Variants in ZSWIM5 observed in about 807,000 individuals in gnomAD.
ZSWIM5 encodes the protein zinc finger SWIM domain-containing protein 5.
In ZSWIM5, 55 loss-of-function variants were observed where a neutral mutation model predicts 119.6. The observed-to-expected ratio is 0.46, with a 90% CI of 0.37 to 0.58. The LOEUF (loss-of-function observed/expected upper bound fraction) is 0.58, where lower values mean the gene tolerates loss of function less well. Among genes scored for constraint, ZSWIM5 ranks in the 20% least tolerant of loss-of-function variants. The pLI is 0.00. For missense variants in ZSWIM5, 1,193 were observed against 1,512.8 expected (o/e 0.79, Z 3.51); for synonymous variants, 537 against 606.9 (o/e 0.88, Z 1.69).
intron 1 of ZSWIM5, among the ~76,000 whole-genome samples, chr1:45,120,490 A>G (rs1645584637): frequency 6.6e-6 from 1 of 151,706 alleles, no homozygotes; most frequent in South Asian, 2.1e-4. Flanking sequence ...CTTTCAAGGT[A>G]TTGCTCTGTT....
At chr1:45,147,080 T>TC (rs1645766193) in intron 1 of ZSWIM5, among the ~76,000 whole-genome samples, 1 of 145,816 alleles carries the variant, frequency 6.9e-6, no homozygotes, top group East Asian at 2.0e-4. Flanking sequence ...ATTATCAACT[T>TC]TTTTTTTTTT....
At chr1:45,063,797 CCTGGCTAACACAGTCT>C (rs1645166821) in intron 2 of ZSWIM5, among the ~76,000 whole-genome samples, 1 of 151,938 alleles carries the variant, frequency 6.6e-6, no homozygotes, top group Non-Finnish European at 1.5e-5. Context: ...TCGAGACCAT[CCTGGCTAACACAGTCT>C]CTACTAAAAA....
Position 45,206,134 on chromosome 1 carries a change from C to A in ZSWIM5, c.217G>T (p.Val73Leu). The A allele has an allele frequency of 6.2e-7, 1 of 1,611,180 alleles. No individual in the cohort carries two copies. The highest frequency in any genetic ancestry group is 1.3e-5 in the African/African-American group (1 of 74,990). ...DSLLDCAAKT[V>L]AEKWAYERVE... ...CGTTCGTATGCCCACTTTTCCGCCA[C>A]CGTCTTGGCGGCGCAGTCCAGTAAG... Residue 73 changes from valine to leucine, a missense_variant, in exon 1 of 14, where the codon GTG (valine) becomes TTG (leucine). Physicochemically the swap from Val to Leu is conservative, Grantham distance 32 (BLOSUM62 1). Coordinates refer to ENST00000359600, the MANE Select transcript of ZSWIM5 (RefSeq NM_020883.2).
intron 1 of ZSWIM5, among the ~76,000 whole-genome samples, chr1:45,187,027 T>C (rs748070073): frequency 8.5e-5 from 13 of 152,194 alleles, no homozygotes; most frequent in Non-Finnish European, 1.8e-4. Flanking sequence ...ATGCCAAAAC[T>C]TCCAAACTGA....
intron 1 of ZSWIM5, among the ~76,000 whole-genome samples, chr1:45,167,831 C>A (rs1237257295): frequency 5.3e-5 from 8 of 152,128 alleles, no homozygotes; most frequent in Non-Finnish European, 1.2e-4. Context: ...ACAACAGGTG[C>A]TGGAGAGGAT....
intron 1 of ZSWIM5, among the ~76,000 whole-genome samples, chr1:45,196,547 C>T (rs563070149): frequency 3.0e-4 from 46 of 151,740 alleles, no homozygotes; most frequent in Admixed American, 2.3e-3. Flanking sequence ...CCTGCCACCA[C>T]GCCCGGCTAA....
rs767700654 is a variant in ZSWIM5 at position 45,018,732 on chromosome 1, G to A, written c.3280C>T (p.Arg1094Cys). The change falls in exon 14 of 14, where the codon CGC becomes TGC. Residue 1094 changes from arginine to cysteine, a missense_variant. Around this residue, in one of 2 missense-constraint regions of ZSWIM5, gnomAD observed 961 missense variants for 1,290.0 expected, o/e 0.74. Coordinates refer to ENST00000359600, the MANE Select transcript of ZSWIM5 (RefSeq NM_020883.2). This position sits in a 1 kb window ranked among gnomAD's most constrained non-coding sequence, Gnocchi z 6.7. ...TAPGLAGIPG[R>C]RSSGKLMSTD... ...GACATGAGCTTTCCAGAGCTTCGGC[G>A]GCCTGGGATGCCGGCCAGGCCAGGT... The A allele has an allele frequency of 1.5e-5, 25 of 1,614,106 alleles. No individual in the cohort carries two copies. Among genetic ancestry groups the A allele is most frequent in the South Asian group, 3.3e-5 (3 of 91,090 alleles).
In ZSWIM5 at chr1:45,130,120, A is replaced by G. The variant is rs371481119; in HGVS notation, c.596-41883T>C. On this transcript the variant is annotated intron_variant, in intron 1 of 13. Coordinates refer to ENST00000359600, the MANE Select transcript of ZSWIM5 (RefSeq NM_020883.2). ...GCCATGTTGGCCAGGCTGGTCTCGA[A>G]CTCCTGACCTCAAGTGATCCACATG... Among the ~76,000 whole-genome samples the G allele has an allele frequency of 5.3e-5, 8 of 152,068 alleles. No individual in the cohort carries two copies. The East Asian group carries it at 1.2e-3, about 22-fold the overall frequency.
intron 1 of ZSWIM5, among the ~76,000 whole-genome samples, chr1:45,125,765 C>CAAA (rs77954473): frequency 0.02 from 2,287 of 111,826 alleles, 74 homozygotes; most frequent in African/African-American, 0.072. Context: ...CTCCGTTTCA[C>CAAA]AAAAAAAAAA....
At chr1:45,064,252 C>T (rs533652861) in intron 2 of ZSWIM5, among the ~76,000 whole-genome samples, 6 of 152,194 alleles carry the variant, frequency 3.9e-5, no homozygotes, top group East Asian at 3.9e-4. Context: ...TTTATTATTA[C>T]GTTCCTTAAA....
At chr1:45,169,983 A>G (rs544108024) in intron 1 of ZSWIM5, among the ~76,000 whole-genome samples, 2 of 152,258 alleles carry the variant, frequency 1.3e-5, no homozygotes, top group South Asian at 4.1e-4. Context: ...AAACTCAGCA[A>G]CATTTCTGTG....
At chr1:45,086,414 T>C (rs546330906) in intron 2 of ZSWIM5, among the ~76,000 whole-genome samples, 1 of 152,306 alleles carries the variant, frequency 6.6e-6, no homozygotes, top group Non-Finnish European at 1.5e-5. Flanking sequence ...TTCAAAAAAT[T>C]CTTATGTCAA....
intron 5 of ZSWIM5, 59 bp downstream of exon 5, chr1:45,051,015 T>C (rs1048102611): frequency 9.1e-6 from 14 of 1,541,850 alleles, no homozygotes; most frequent in Admixed American, 1.9e-5. Flanking sequence ...GTTCTAGGGT[T>C]TACCCTCCCA....
At chr1:45,038,816 G>C in intron 8 of ZSWIM5, 120 bp downstream of exon 8, 1 of 1,250,924 alleles carries the variant, frequency 8.0e-7, no homozygotes, top group African/African-American at 1.5e-5. Context: ...GGCTGGTCTT[G>C]AACTCTTGAA....
intron 11 of ZSWIM5, among the ~76,000 whole-genome samples, chr1:45,022,380 T>G (rs1249786952): frequency 1.3e-5 from 2 of 152,102 alleles, no homozygotes; most frequent in Non-Finnish European, 2.9e-5. Context: ...TCCACCCGCC[T>G]TGGTCTCCCA....
chr1:45,206,181 C>G lies in ZSWIM5; in HGVS notation c.170G>C (p.Arg57Pro). The change falls in exon 1 of 14, where the codon CGC becomes CCC. Residue 57 changes from arginine (R) to proline (P), a missense_variant. Coordinates refer to ENST00000359600, the MANE Select transcript of ZSWIM5 (RefSeq NM_020883.2). ...TAAGGAATCCGGCTGCAGGTGGGGG[C>G]GGGCCCCGAGGACCAGGCAGCTGCT... ...VGSSCLVLGA[R>P]PHLQPDSLLD... 1.9e-6 allele frequency: 3 copies of G among 1,604,480 alleles called. No individual in the cohort carries two copies. Among genetic ancestry groups the G allele is most frequent in the South Asian group, 2.2e-5 (2 of 89,940 alleles).
chr1:45,140,236 T>C (rs1480661245), intron 1 of ZSWIM5, among the ~76,000 whole-genome samples: 3 of 152,210 alleles, frequency 2.0e-5, no homozygotes, highest in Non-Finnish European at 4.4e-5. Context: ...TTTCTGTGAA[T>C]AAAGTTTTAT....
Position 45,069,873 on chromosome 1 carries a change from C to T in ZSWIM5, c.953-9626G>A, listed in dbSNP as rs1645211269. On this transcript the variant is annotated intron_variant, in intron 2 of 13. Coordinates refer to ENST00000359600, the MANE Select transcript of ZSWIM5 (RefSeq NM_020883.2). ...TCAGTACATATTTCTTTTACTGTTG[C>T]TCTTCATTCTTTTCCACATTTCATA... 6 of 424,838 alleles carry T rather than the reference C, an allele frequency of 1.4e-5. No individual in the cohort carries two copies. The South Asian group carries it at 2.0e-4, about 14-fold the overall frequency. The allele number at this position is 424,838 out of a possible 1,614,324, so 26.3% of individuals were successfully genotyped here.
intron 12 of ZSWIM5, 151 bp from the exon 13 acceptor site, chr1:45,020,298 A>C: frequency 1.4e-6 from 1 of 702,362 alleles, no homozygotes; most frequent in East Asian, 2.7e-5. Context: ...TTTCTTTCCC[A>C]GCCCTCCCAC....
Sources: allele counts gnomAD v4.1 joint callset (sites outside exome capture counted in the v4.1 genomes callset), GRCh38; gene constraint gnomAD v4.1.1; regional missense constraint gnomAD v4.1.1; non-coding constraint Gnocchi (gnomAD v3.1); transcripts MANE v1.5; gene names NCBI Gene and HGNC (gene_info 2026-07-23, HGNC 2026-07-21).